TPTE2: variants seen among roughly 807,000 people sequenced by gnomAD.
The protein encoded by TPTE2 is transmembrane phosphoinositide 3-phosphatase and tensin homolog 2, also known as phosphatidylinositol 3,4,5-trisphosphate 3-phosphatase TPTE2.
Under a neutral mutation model 78.6 loss-of-function variants are expected in TPTE2, and 53 were observed. The ratio of observed to expected loss-of-function variants is 0.67; its 90% CI spans 0.54 to 0.85. The LOEUF is 0.85. TPTE2 is among the 40% of genes least tolerant of loss of function. The pLI is 0.00. For missense variants in TPTE2, 461 were observed against 623.0 expected (o/e 0.74, Z 2.77); for synonymous variants, 175 against 206.2 (o/e 0.85, Z 1.30).
chr13:19,557,266 G>C, the TPTE2 span, among the ~76,000 whole-genome samples: 1 of 152,186 alleles, frequency 6.6e-6, no homozygotes, highest in Non-Finnish European at 1.5e-5. Context: ...CATTTCATGG[G>C]GGAAACCTGA....
At chr13:19,527,404 C>A (rs12430348) in intron 1 of TPTE2, among the ~76,000 whole-genome samples, 3,183 of 152,248 alleles carry the variant, frequency 0.021, 72 homozygotes, top group South Asian at 0.084. Context: ...ATGCATGTAA[C>A]AACATATCAT....
intron 1 of TPTE2, among the ~76,000 whole-genome samples, chr13:19,509,179 C>A (rs1390097693): frequency 6.6e-6 from 1 of 151,966 alleles, no homozygotes; most frequent in Non-Finnish European, 1.5e-5. Flanking sequence ...AATAAGAAGT[C>A]AAGATGGTTA....
At chr13:19,542,949 T>G in the TPTE2 span, among the ~76,000 whole-genome samples, 1 of 151,716 alleles carries the variant, frequency 6.6e-6, no homozygotes, top group Non-Finnish European at 1.5e-5. Context: ...TATGTGCCAG[T>G]GTACTCTAGC....
intron 10 of TPTE2, among the ~76,000 whole-genome samples, chr13:19,461,227 A>G (rs1878866844): frequency 6.6e-6 from 1 of 152,150 alleles, no homozygotes; most frequent in African/African-American, 2.4e-5. Context: ...GGGGCCATTC[A>G]GCCAAGTCAG....
At chr13:19,425,610 T>A (rs1305664639) in intron 18 of TPTE2, 6 of 395,788 alleles carry the variant, frequency 1.5e-5, no homozygotes, top group African/African-American at 2.1e-5. Flanking sequence ...TGTGGATATA[T>A]CAGTGACCAC....
At chr13:19,429,375 G>A (rs1399859082) in intron 17 of TPTE2, among the ~76,000 whole-genome samples, 1 of 152,200 alleles carries the variant, frequency 6.6e-6, no homozygotes, top group Admixed American at 6.5e-5. Flanking sequence ...GGATTTAGGG[G>A]GCTGAGGCAA....
intron 1 of TPTE2, among the ~76,000 whole-genome samples, chr13:19,514,592 A>AGTGTGTGTGTGTGTGT (rs151110694): frequency 0.1 from 13,008 of 126,584 alleles, 1,264 homozygotes; most frequent in Non-Finnish European, 0.13. Flanking sequence ...TACTTCTGAG[A>AGTGTGTGTGTGTGTGT]GTGTGTGTGT....
At chr13:19,520,025 T>A (rs950446161) in intron 1 of TPTE2, among the ~76,000 whole-genome samples, 1 of 152,098 alleles carries the variant, frequency 6.6e-6, no homozygotes, top group Admixed American at 6.5e-5. Flanking sequence ...ATTACTTTCT[T>A]AATTTCATTT....
the TPTE2 span, chr13:19,560,479 A>C: frequency 6.3e-7 from 1 of 1,598,516 alleles, no homozygotes; most frequent in East Asian, 2.2e-5. Flanking sequence ...ACCCGGCACC[A>C]GCACCTCCAT....
At chr13:19,440,546 G>A (rs1168185985) in intron 13 of TPTE2, among the ~76,000 whole-genome samples, 2 of 152,178 alleles carry the variant, frequency 1.3e-5, no homozygotes, top group African/African-American at 4.8e-5. Context: ...AAGGCAGGCA[G>A]ATCACTTGAG....
intron 1 of TPTE2, 69 bp downstream of exon 4, chr13:19,503,155 C>G (rs1868734274): frequency 6.2e-7 from 1 of 1,604,966 alleles, no homozygotes; most frequent in East Asian, 2.2e-5. Context: ...GTTTATGTGC[C>G]TGTGTGTGTG....
chr13:19,453,532 T>A, intron 10 of TPTE2, among the ~76,000 whole-genome samples: 1 of 32,012 alleles, frequency 3.1e-5, no homozygotes, highest in African/African-American at 7.5e-5. Context: ...TATATCATTT[T>A]ATAATCATAT....
At chr13:19,475,304 C>A (rs1430615277) in intron 5 of TPTE2, among the ~76,000 whole-genome samples, 1 of 151,910 alleles carries the variant, frequency 6.6e-6, no homozygotes, top group Non-Finnish European at 1.5e-5. Context: ...CAGCTCACTG[C>A]AACCTATGCC....
chr13:19,429,490 A>G lies in TPTE2; in HGVS notation c.1302+978T>C, dbSNP rs572457675. On this transcript the variant is annotated intron_variant, in intron 17 of 19. Coordinates refer to ENST00000400230, the Ensembl canonical transcript of TPTE2. ...AGACTGGCGAATGCATTTGAGTTGG[A>G]GTGGAAACTGTTCATGTTGTAGCTC... Among the ~76,000 whole-genome samples the G allele has an allele frequency of 7.7e-4, 117 of 152,364 alleles. 1 individual carries two copies. In the South Asian group the frequency reaches 0.024, roughly 31 times the overall value.
chr13:19,460,559 CT>C (rs1484609985), intron 10 of TPTE2, among the ~76,000 whole-genome samples: 1 of 152,136 alleles, frequency 6.6e-6, no homozygotes, highest in African/African-American at 2.4e-5. Context: ...TCCTATAGCC[CT>C]TGGTTTATCA....
At chr13:19,494,165 T>C (rs951038393) in intron 1 of TPTE2, among the ~76,000 whole-genome samples, 17 of 152,184 alleles carry the variant, frequency 1.1e-4, no homozygotes, top group Non-Finnish European at 2.9e-5. Flanking sequence ...TCCAAAGCAT[T>C]TGCCTGCTAC....
chr13:19,561,234 A>C, the TPTE2 span: 1 of 1,326,094 alleles, frequency 7.5e-7, no homozygotes, highest in Non-Finnish European at 1.0e-6. Context: ...GTAGTGGCTC[A>C]CTGCCCACCA....
At chr13:19,438,147 G>A (rs2094905964) in exon 14 of TPTE2, 1 of 1,608,540 alleles carries the variant, frequency 6.2e-7, no homozygotes, top group South Asian at 1.1e-5. Context: ...CATAGTCCCG[G>A]TTCTTCCTAG....
chr13:19,510,314 C>A (rs1869348514), intron 1 of TPTE2, among the ~76,000 whole-genome samples: 1 of 152,052 alleles, frequency 6.6e-6, no homozygotes, highest in Non-Finnish European at 1.5e-5. Flanking sequence ...GTGTGCTGCA[C>A]AAGAAGCCTG....
Sources: allele counts gnomAD v4.1 joint callset (sites outside exome capture counted in the v4.1 genomes callset), GRCh38; gene constraint gnomAD v4.1.1; transcripts MANE v1.5; gene names NCBI Gene and HGNC (gene_info 2026-07-23, HGNC 2026-07-21).